Variants in CACNA1C observed in about 807,000 individuals in gnomAD.
CACNA1C encodes calcium voltage-gated channel subunit alpha1 C.
A neutral mutation model predicts 229.0 loss-of-function variants in CACNA1C; 30 were observed. That is an observed-to-expected ratio of 0.13 (90% CI 0.10 to 0.18). The LOEUF (loss-of-function observed/expected upper bound fraction) is 0.18, where lower values mean the gene tolerates loss of function less well. Ranked by LOEUF, CACNA1C falls within the 10% of genes least tolerant of loss-of-function variation. CACNA1C has a pLI of 1.00. For synonymous variants in CACNA1C, 1,114 were observed against 1,132.5 expected, an observed-to-expected ratio of 0.98 and a Z score of 0.33; for missense variants, 1,658 against 2,845.0, an observed-to-expected ratio of 0.58 and a Z score of 9.49.
upstream of CACNA1C, chr12:2,048,226 T>G (rs969269384): frequency 6.6e-6 from 1 of 152,212 alleles, no homozygotes; most frequent in Non-Finnish European, 1.5e-5. Flanking sequence ...TCCAGCTTAG[T>G]GAAGTTGACC....
chr12:2,174,700 G>A (rs1054256396), intron 3 of CACNA1C, among the ~76,000 whole-genome samples: 28 of 152,230 alleles, frequency 1.8e-4, no homozygotes, highest in Admixed American at 3.3e-4. Context: ...TTTGACTCCC[G>A]CAAAGCCTAA....
chr12:2,679,342 C>G lies in CACNA1C; in HGVS notation c.5092-102C>G. On this transcript the variant is annotated intron_variant, in intron 41 of 46. Transcript: ENST00000399655. This position sits in a 1 kb window ranked among gnomAD's most constrained non-coding sequence, Gnocchi z 5.5. ...GCCTACCCGAAAGAAGGCAGCCCGC[C>G]TTCCCAGGCCCTGCACTTCCCTGAC... The G allele has an allele frequency of 1.1e-6, 1 of 884,094 alleles. No individual in the cohort carries two copies. The highest frequency in any genetic ancestry group is 1.7e-5 in the African/African-American group (1 of 59,482). 54.8% of individuals were successfully genotyped at this position (884,094 alleles called of 1,614,324 possible).
At chr12:2,137,449 G>C (rs1434753813) in intron 3 of CACNA1C, among the ~76,000 whole-genome samples, 1 of 151,230 alleles carries the variant, frequency 6.6e-6, no homozygotes, top group Non-Finnish European at 1.5e-5. Context: ...AGCTGGGCAT[G>C]GTGGCTTGCA....
At chr12:2,255,567 G>C (rs1363805645) in intron 3 of CACNA1C, among the ~76,000 whole-genome samples, 2 of 152,228 alleles carry the variant, frequency 1.3e-5, no homozygotes, top group Admixed American at 6.5e-5. Flanking sequence ...AGATGGGGCT[G>C]AGGCAGCCAG....
chr12:2,330,478 C>T (rs774680810), intron 3 of CACNA1C, among the ~76,000 whole-genome samples: 2 of 152,204 alleles, frequency 1.3e-5, no homozygotes, highest in Non-Finnish European at 2.9e-5. Context: ...CTTTAATACT[C>T]ATGATATCCT....
chr12:2,189,803 A>G (rs1166917742), intron 3 of CACNA1C, among the ~76,000 whole-genome samples: 1 of 145,162 alleles, frequency 6.9e-6, no homozygotes, highest in African/African-American at 2.6e-5. Flanking sequence ...ATATTTAAAG[A>G]AGAAAGAAAA....
At chr12:2,208,184 TAAGC>T (rs1037887762) in intron 3 of CACNA1C, among the ~76,000 whole-genome samples, 92 of 152,190 alleles carry the variant, frequency 6.0e-4, no homozygotes, top group Non-Finnish European at 1.1e-3. Flanking sequence ...TATAAAGTGA[TAAGC>T]AAGGAAGCGG....
intron 5 of CACNA1C, among the ~76,000 whole-genome samples, chr12:2,482,728 A>C (rs2099681198): frequency 6.6e-6 from 1 of 152,126 alleles, no homozygotes; most frequent in African/African-American, 2.4e-5. Context: ...AAAGCACCCT[A>C]TTCCACCTTC....
intron 3 of CACNA1C, among the ~76,000 whole-genome samples, chr12:2,227,478 A>G (rs1332140736): frequency 1.3e-5 from 2 of 152,236 alleles, no homozygotes; most frequent in Non-Finnish European, 2.9e-5. Flanking sequence ...TGTTAGAAGG[A>G]TTAAATGATA....
chr12:2,427,920 A>G lies in CACNA1C; in HGVS notation c.478-21056A>G, dbSNP rs1358117982. ...CAGGCGTGAGCCACCGCGCCTGGCC[A>G]TGAGGCATATTTTAAAAAGTAAAAT... On this transcript the variant is annotated intron_variant, in intron 3 of 46. Transcript: ENST00000399655. 2.0e-5 allele frequency among the ~76,000 whole-genome samples: 3 copies of G among 152,270 alleles called. No homozygotes were observed. In the South Asian group the frequency reaches 6.2e-4, roughly 32 times the overall value.
chr12:2,281,237 C>T (rs1385996902), intron 3 of CACNA1C, among the ~76,000 whole-genome samples: 3 of 152,104 alleles, frequency 2.0e-5, no homozygotes, highest in South Asian at 4.2e-4. Context: ...GCCTTTATGC[C>T]GTTGCTGCCA....
At chr12:2,202,147 C>T (rs2239024) in intron 3 of CACNA1C, among the ~76,000 whole-genome samples, 51,812 of 152,076 alleles carry the variant, frequency 0.34, 9,315 homozygotes, top group South Asian at 0.39. Flanking sequence ...ACAGGCATTG[C>T]TTTTGATAAA....
chr12:2,229,649 G>C (rs1375208570), intron 3 of CACNA1C, among the ~76,000 whole-genome samples: 1 of 152,164 alleles, frequency 6.6e-6, no homozygotes, highest in African/African-American at 2.4e-5. Flanking sequence ...CTCCGCAGGG[G>C]ATGCCTGAGC....
chr12:2,328,207 T>G (rs1347129679), intron 3 of CACNA1C, among the ~76,000 whole-genome samples: 3 of 152,160 alleles, frequency 2.0e-5, no homozygotes, highest in Admixed American at 2.0e-4. Context: ...CTTTCAAGGT[T>G]CACAGAAATT....
chr12:2,394,015 G>A (rs902362451), intron 3 of CACNA1C, among the ~76,000 whole-genome samples: 2 of 151,994 alleles, frequency 1.3e-5, no homozygotes, highest in African/African-American at 4.8e-5. Flanking sequence ...TAAAGCAGGA[G>A]GATCTCTTGA....
chr12:2,004,119 C>T, intron 1 of CACNA1C: 1 of 1,001,280 alleles, frequency 1.0e-6, no homozygotes, highest in Non-Finnish European at 1.4e-6. Flanking sequence ...TCCCCCAAAC[C>T]CCCGAGACCC....
chr12:1,995,148 A>G (rs1360165684), intron 1 of CACNA1C, among the ~76,000 whole-genome samples: 1 of 152,212 alleles, frequency 6.6e-6, no homozygotes, highest in African/African-American at 2.4e-5. Flanking sequence ...ATCCTTGAAA[A>G]TACAAACTTA....
chr12:2,603,168 C>G (rs2073618561), intron 22 of CACNA1C, among the ~76,000 whole-genome samples: 1 of 152,204 alleles, frequency 6.6e-6, no homozygotes, highest in Non-Finnish European at 1.5e-5. Context: ...AGCATGGCCA[C>G]TCAGTCACTA....
Position 2,693,266 on chromosome 12 carries a change from G to A in CACNA1C, c.*2067G>A, listed in dbSNP as rs2097806152. On this transcript the variant is annotated 3_prime_UTR_variant, in exon 47 of 47. Coordinates refer to ENST00000399655, the MANE Select transcript of CACNA1C (RefSeq NM_000719.7). ...GCCCTTCACTGTGAGGTGCAGGGAG[G>A]CGTTCTGATGAGCCCTCAGTCACTG... 6.6e-6 allele frequency: 1 copy of A among 152,196 alleles called. No individual in the cohort carries two copies. Among genetic ancestry groups the A allele is most frequent in the Admixed American group, 6.5e-5 (1 of 15,278 alleles). 9.4% of individuals were successfully genotyped at this position (152,196 alleles called of 1,614,324 possible).
Sources: gnomAD v4.1 joint callset for allele counts (sites outside exome capture counted in the v4.1 genomes callset) on GRCh38, gnomAD v4.1.1 for gene constraint, Gnocchi (gnomAD v3.1) non-coding constraint, MANE v1.5 for transcripts, NCBI Gene and HGNC (gene_info 2026-07-23, HGNC 2026-07-21) for gene names.